Variants in NGEF observed in about 807,000 individuals in gnomAD.
NGEF encodes the protein neuronal guanine nucleotide exchange factor.
In NGEF, 31 loss-of-function variants were observed where a neutral mutation model predicts 80.9. The observed-to-expected ratio is 0.38, with a 90% CI of 0.29 to 0.52. NGEF has a LOEUF of 0.52. Ranked by LOEUF, NGEF falls within the 20% of genes least tolerant of loss-of-function variation. The pLI is 0.84. For synonymous variants in NGEF, 371 were observed against 370.2 expected (o/e 1.00, Z -0.03); for missense variants, 709 against 926.2 (o/e 0.77, Z 3.04).
intron 5 of NGEF, among the ~76,000 whole-genome samples, chr2:232,906,272 C>T (rs1398033892): frequency 7.7e-6 from 1 of 129,394 alleles, no homozygotes; most frequent in Admixed American, 7.4e-5. Flanking sequence ...GTGAGGGGCG[C>T]CTCTGCCCGG....
At chr2:232,948,877 G>C (rs1042947697) in intron 3 of NGEF, among the ~76,000 whole-genome samples, 3 of 152,024 alleles carry the variant, frequency 2.0e-5, no homozygotes, top group African/African-American at 7.2e-5. Flanking sequence ...AATTAGCCAG[G>C]CGTGGTGGTG....
chr2:232,978,284 G>C (rs550322144), intron 1 of NGEF, among the ~76,000 whole-genome samples: 3 of 152,032 alleles, frequency 2.0e-5, no homozygotes, highest in South Asian at 2.1e-4. Context: ...CAGGCTGAGG[G>C]GGGGGATCAT....
At chr2:232,935,444 C>T (rs1693309576) in intron 3 of NGEF, among the ~76,000 whole-genome samples, 1 of 152,146 alleles carries the variant, frequency 6.6e-6, no homozygotes, top group South Asian at 2.1e-4. Flanking sequence ...ATGGTAAAAC[C>T]CTGTCTCTAC....
At chr2:232,988,741 A>T (rs1282161205) in intron 1 of NGEF, among the ~76,000 whole-genome samples, 1 of 152,174 alleles carries the variant, frequency 6.6e-6, no homozygotes, top group Non-Finnish European at 1.5e-5. Context: ...ATTGGAAGCA[A>T]CCGGGGTGTC....
At chr2:232,903,370 A>C (rs143539659) in intron 5 of NGEF, among the ~76,000 whole-genome samples, 352 of 152,218 alleles carry the variant, frequency 2.3e-3, no homozygotes, top group Non-Finnish European at 3.9e-3. Context: ...AGGGTGCTCT[A>C]TTTGGATGGA....
intron 1 of NGEF, among the ~76,000 whole-genome samples, 197 bp from the exon 2 acceptor site, chr2:232,975,161 G>A (rs145057963): frequency 1.3e-4 from 20 of 152,218 alleles, no homozygotes; most frequent in African/African-American, 3.1e-4. Flanking sequence ...TATAATTGCC[G>A]TTTGTTTACA....
chr2:232,927,999 T>G, intron 3 of NGEF: 1 of 1,220,868 alleles, frequency 8.2e-7, no homozygotes, highest in Non-Finnish European at 1.0e-6. Flanking sequence ...AGCAGCTCCA[T>G]AGGGTCGGCG....
chr2:232,975,771 A>T (rs573040929), intron 1 of NGEF, among the ~76,000 whole-genome samples: 2 of 152,238 alleles, frequency 1.3e-5, no homozygotes, highest in East Asian at 3.9e-4. Context: ...CGAGCTAGGA[A>T]TTCTTCTCAG....
chr2:232,897,080 G>A (rs1267721493), intron 5 of NGEF, among the ~76,000 whole-genome samples: 2 of 132,954 alleles, frequency 1.5e-5, no homozygotes, highest in East Asian at 2.4e-4. Flanking sequence ...GGGGTGAGGG[G>A]TGAGGGTTGG....
At chr2:232,992,407 A>G (rs1407143588) in intron 1 of NGEF, among the ~76,000 whole-genome samples, 1 of 152,044 alleles carries the variant, frequency 6.6e-6, no homozygotes, top group Non-Finnish European at 1.5e-5. Flanking sequence ...CAAATACAAA[A>G]ATTAGCTAAG....
intron 3 of NGEF, among the ~76,000 whole-genome samples, chr2:232,930,916 C>T (rs1693203667): frequency 6.6e-6 from 1 of 152,236 alleles, no homozygotes; most frequent in African/African-American, 2.4e-5. Flanking sequence ...AGTCTGAAGT[C>T]CGAAGTCTCA....
chr2:232,998,169 G>T (rs923317518), intron 1 of NGEF, among the ~76,000 whole-genome samples: 1 of 152,102 alleles, frequency 6.6e-6, no homozygotes, highest in Non-Finnish European at 1.5e-5. Context: ...GAGTTTCAGC[G>T]CTGAGATAGG....
chr2:232,894,476 C>G lies in NGEF; in HGVS notation c.989+280G>C, dbSNP rs542033727. 1.8e-5 allele frequency: 5 copies of G among 279,082 alleles called. No homozygotes were observed. The East Asian group carries it at 3.0e-4, about 16-fold the overall frequency. 17.3% of individuals were successfully genotyped at this position (279,082 alleles called of 1,614,324 possible). On this transcript the variant is annotated intron_variant, in intron 6 of 14. Transcript: ENST00000264051. ...TGATGCATGAGAGAGCTGGACTCAG[C>G]GTCACTCCAACCTGGGGCCAGCAGG...
intron 4 of NGEF, among the ~76,000 whole-genome samples, chr2:232,923,023 T>G (rs1020514889): frequency 6.6e-5 from 10 of 151,734 alleles, no homozygotes; most frequent in Admixed American, 5.2e-4. Flanking sequence ...TGAGCTGAGA[T>G]CGCGCCACTT....
chr2:232,993,131 ATTTATT>A lies in NGEF; in HGVS notation c.-74-18173_-74-18168del, dbSNP rs1694688192. ...AATATATATATATAAATAAATATAT[ATTTATT>A]TATATATATATGGGCAAATATATAT... is the stretch of plus-strand genomic sequence containing the variant. On this transcript the variant is annotated intron_variant, in intron 1 of 14. Transcript: ENST00000264051. Among the ~76,000 whole-genome samples the A allele has an allele frequency of 2.3e-5, 3 of 128,430 alleles. No individual in the cohort carries two copies. In the South Asian group the frequency reaches 6.6e-4, roughly 28 times the overall value. 84.3% of individuals were successfully genotyped at this position (128,430 alleles called of 152,430 possible).
At chr2:232,954,115 C>T (rs1693742041) in intron 3 of NGEF, among the ~76,000 whole-genome samples, 1 of 152,174 alleles carries the variant, frequency 6.6e-6, no homozygotes, top group Admixed American at 6.5e-5. Context: ...CAGTGTCAGG[C>T]AGTTCAGGGT....
chr2:232,891,601 C>T (rs1281597796), intron 7 of NGEF, 114 bp from the exon 8 acceptor site: 1 of 1,210,754 alleles, frequency 8.3e-7, no homozygotes, highest in East Asian at 2.5e-5. Flanking sequence ...GCTCAGAAAA[C>T]ATGTTGATTT....
intron 8 of NGEF, among the ~76,000 whole-genome samples, chr2:232,890,607 T>C (rs1691850793): frequency 6.6e-6 from 1 of 152,080 alleles, no homozygotes; most frequent in Non-Finnish European, 1.5e-5. Context: ...CAGCAACGGC[T>C]GCACACCCCC....
chr2:232,927,620 G>A (rs1001813988), intron 3 of NGEF, among the ~76,000 whole-genome samples: 1 of 152,052 alleles, frequency 6.6e-6, no homozygotes, highest in Non-Finnish European at 1.5e-5. Flanking sequence ...AGGGGATGCC[G>A]AGCGGGACGC....
Sources: allele counts gnomAD v4.1 joint callset (sites outside exome capture counted in the v4.1 genomes callset), GRCh38; gene constraint gnomAD v4.1.1; transcripts MANE v1.5; gene names NCBI Gene and HGNC (gene_info 2026-07-23, HGNC 2026-07-21).